Variants in AP3B2 observed in about 807,000 individuals in gnomAD.
The protein encoded by AP3B2 is AP-3 complex subunit beta-2.
A neutral mutation model predicts 126.9 loss-of-function variants in AP3B2; 50 were observed. The observed-to-expected ratio is 0.39, with a 90% CI of 0.31 to 0.50. AP3B2 has a LOEUF of 0.50. AP3B2 is among the 20% of genes least tolerant of loss of function. The pLI is 0.79. For missense variants in AP3B2, 1,177 were observed against 1,426.4 expected (o/e 0.83, Z 2.82); for synonymous variants, 541 against 565.0 (o/e 0.96, Z 0.60).
At chr15:82,690,942 C>G (rs1335513176) in intron 1 of AP3B2, among the ~76,000 whole-genome samples, 1 of 151,982 alleles carries the variant, frequency 6.6e-6, no homozygotes, top group Non-Finnish European at 1.5e-5. Flanking sequence ...AGGCATGAGC[C>G]ACGCTGGGAT....
At chr15:82,685,065 G>C (rs2151445385) in intron 4 of AP3B2, 1 of 152,270 alleles carries the variant, frequency 6.6e-6, no homozygotes, top group South Asian at 2.1e-4. Context: ...GAAGGAGATG[G>C]GGGAACAGTC....
rs144019576 is a variant in AP3B2 at position 82,666,379 on chromosome 15, C to T, written c.1852+368G>A. 5.3e-3 allele frequency among the ~76,000 whole-genome samples: 813 copies of T among 152,356 alleles called. 10 individuals carry two copies. Among genetic ancestry groups the T allele is most frequent in the Admixed American group, 0.019 (287 of 15,302 alleles). ...TCAGGACCTTTATAAAAATATACAC[C>T]TCTCCTTTGTGTGTTGTTTTGCTTT... On this transcript the variant is annotated intron_variant, in intron 15 of 26. Coordinates refer to ENST00000535359, the MANE Select transcript of AP3B2 (RefSeq NM_001278512.2).
chr15:82,697,964 G>A (rs2048655857), intron 1 of AP3B2: 1 of 152,508 alleles, frequency 6.6e-6, no homozygotes, highest in Non-Finnish European at 1.5e-5. Flanking sequence ...GGTAGGCGTG[G>A]GCAGCACCGA....
intron 14 of AP3B2, among the ~76,000 whole-genome samples, chr15:82,674,939 C>A (rs2048219602): frequency 6.6e-6 from 1 of 152,150 alleles, no homozygotes; most frequent in African/African-American, 2.4e-5. Flanking sequence ...GAAAACATGC[C>A]AACCTCACCA....
intron 1 of AP3B2, chr15:82,691,678 G>A (rs867562601): frequency 3.6e-6 from 5 of 1,389,602 alleles, no homozygotes; most frequent in Middle Eastern, 2.7e-4. Context: ...GCACAAAGCA[G>A]CTCAGTTAAC....
intron 14 of AP3B2, 151 bp downstream of exon 14, chr15:82,676,310 T>G: frequency 1.4e-6 from 1 of 738,356 alleles, no homozygotes; most frequent in African/African-American, 1.8e-5. Flanking sequence ...TGGGGTAGCA[T>G]TGGTTATGTG....
rs2048015548 is a variant in AP3B2, at chr15:82,664,422, C to T, written c.2206G>A (p.Glu736Lys). 1.9e-6 allele frequency: 3 copies of T among 1,613,946 alleles called. No homozygotes were observed. Among genetic ancestry groups the T allele is most frequent in the South Asian group, 1.1e-5 (1 of 91,086 alleles). ...SESGSGESSS[E>K]SDNEDQDEDE... Reference sequence around the variant, plus strand: ...TCATCCTGGTCTTCATTGTCGGACTCACTGCTGGACTCCCCAGAGCCGCTC... The same window carrying T: ...TCATCCTGGTCTTCATTGTCGGACTTACTGCTGGACTCCCCAGAGCCGCTC... The change falls in exon 19 of 27, where the codon GAG (glutamate) becomes AAG (lysine). Residue 736 changes from glutamate to lysine, a missense_variant. Physicochemically the swap from Glu to Lys is moderately conservative, Grantham distance 56. This residue lies in a region of AP3B2 where 587 missense variants were observed against 571.3 expected (regional missense o/e 1.03). Coordinates refer to ENST00000535359, the MANE Select transcript of AP3B2 (RefSeq NM_001278512.2). This position sits in a 1 kb window ranked among gnomAD's most constrained non-coding sequence, Gnocchi z 4.5.
At chr15:82,662,281 G>A in intron 23 of AP3B2, 29 bp from the exon 24 acceptor site, 1 of 1,534,604 alleles carries the variant, frequency 6.5e-7, no homozygotes, top group Non-Finnish European at 8.9e-7. Flanking sequence ...GTGAAGGGGA[G>A]AGGGAGGGCC....
chr15:82,675,772 CCAAT>C (rs1398995197), intron 14 of AP3B2, among the ~76,000 whole-genome samples: 1 of 152,158 alleles, frequency 6.6e-6, no homozygotes, highest in Non-Finnish European at 1.5e-5. Context: ...CAGTAGTTTG[CCAAT>C]CCCTGTCCTG....
In AP3B2 at chr15:82,683,047, G is replaced by GTTTTTTTT. The variant is rs61213011; in HGVS notation, c.361-1475_361-1468dup. 8.6e-3 allele frequency among the ~76,000 whole-genome samples: 665 copies of GTTTTTTTT among 77,720 alleles called. 129 individuals carry two copies. The highest frequency in any genetic ancestry group is 0.013 in the Non-Finnish European group (518 of 39,600). 51.0% of individuals were successfully genotyped at this position (77,720 alleles called of 152,430 possible). A position where few individuals can be genotyped will look rare whatever the true frequency, so the allele number is the denominator to read the frequency against. On this transcript the variant is annotated intron_variant, in intron 4 of 26. Coordinates refer to ENST00000535359, the MANE Select transcript of AP3B2 (RefSeq NM_001278512.2). The stretch of plus-strand genomic sequence containing the variant: ...AATGTTCACAGCATCTGCACCAGGA[G>GTTTTTTTT]TTTTTTTTTTTTTTTTTTTTTTTTT...
chr15:82,665,353 G>A lies in AP3B2; in HGVS notation c.1972-50C>T, dbSNP rs1367776753. The A allele has an allele frequency of 6.3e-7, 1 of 1,578,862 alleles. No homozygotes were observed. Among genetic ancestry groups the A allele is most frequent in the South Asian group, 1.1e-5 (1 of 89,996 alleles). On this transcript the variant is annotated intron_variant, in intron 16 of 26. Transcript: ENST00000535359. This position sits in a 1 kb window ranked among gnomAD's most constrained non-coding sequence, Gnocchi z 4.4. ...GGAGGGCTGGGCCGGCACTGCCAGG[G>A]CTCCCTACTGTCTGCCCCCACCAAC...
chr15:82,677,327 C>T lies in AP3B2; in HGVS notation c.1435G>A (p.Ala479Thr). 6.2e-7 allele frequency: 1 copy of T among 1,613,964 alleles called. No individual in the cohort carries two copies. The highest frequency in any genetic ancestry group is 8.5e-7 in the Non-Finnish European group (1 of 1,179,882). ...TGTTTGATGATCTCTCCATGTTGTG[C>T]TGGCTGCATCTGTAGCAATTTCTTA... Reference protein sequence around the residue: ...VIKKLLQMQPAQHGEIIKHLA... With the variant: ...VIKKLLQMQPTQHGEIIKHLA... Residue 479 changes from alanine to threonine, a missense_variant, in exon 13 of 27, where the codon GCA becomes ACA. By Grantham distance (58) the Ala-to-Thr change is moderately conservative. Around this residue, in one of 5 missense-constraint regions of AP3B2, gnomAD observed 308 missense variants for 452.4 expected, o/e 0.68. Transcript: ENST00000535359.
intron 1 of AP3B2, among the ~76,000 whole-genome samples, chr15:82,693,683 T>C (rs1199797995): frequency 6.6e-6 from 1 of 152,078 alleles, no homozygotes; most frequent in African/African-American, 2.4e-5. Flanking sequence ...GCAGCAACAA[T>C]ATGGCTAGGT....
At position 82,664,994 on chromosome 15, in the gene AP3B2, G is replaced by T; in HGVS notation, c.2029-51C>A. On this transcript the variant is annotated intron_variant, in intron 17 of 26. Transcript: ENST00000535359. The surrounding 1 kb of genome is among the most constrained non-coding windows in gnomAD (Gnocchi z 4.5). The stretch of plus-strand genomic sequence containing the variant: ...TCATTTCATCATGGTTGGGGAGAAG[G>T]CAGGCAGGCACAAGCCCTTACCCTT... 1 of 1,394,782 alleles carries T rather than the reference G, an allele frequency of 7.2e-7. No homozygotes were observed. Among genetic ancestry groups the T allele is most frequent in the Non-Finnish European group, 1.0e-6 (1 of 999,926 alleles). 86.4% of individuals were successfully genotyped at this position (1,394,782 alleles called of 1,614,324 possible).
rs1367761809 is a variant in AP3B2 at position 82,677,679 on chromosome 15, T to C, written c.1370A>G (p.Asn457Ser). The C allele has an allele frequency of 2.6e-6, 4 of 1,558,132 alleles. No homozygotes were observed. In the East Asian group the frequency reaches 7.0e-5, roughly 27 times the overall value. Residue 457 changes from asparagine to serine, a missense_variant, in exon 12 of 27, where the codon AAC (asparagine) becomes AGC (serine). Coordinates refer to ENST00000535359, the MANE Select transcript of AP3B2 (RefSeq NM_001278512.2). ...CTCAGGGAAACACTGACCATCACGG[T>C]TGGACAGCAGCTGCACCAGGCCATT... Reference protein sequence around the residue: ...CLNGLVQLLSNRDELVVAESV... With the variant: ...CLNGLVQLLSSRDELVVAESV...
At chr15:82,699,544 G>A in intron 1 of AP3B2, 1 of 398,952 alleles carries the variant, frequency 2.5e-6, no homozygotes, top group East Asian at 3.6e-5. Flanking sequence ...GAGGAGGTGG[G>A]ACCGGAAGAG....
In AP3B2 at chr15:82,665,230, T is replaced by C. The variant is rs150699581; in HGVS notation, c.2028+17A>G. On this transcript the variant is annotated intron_variant, in intron 17 of 26. Coordinates refer to ENST00000535359, the MANE Select transcript of AP3B2 (RefSeq NM_001278512.2). The surrounding 1 kb of genome is among the most constrained non-coding windows in gnomAD (Gnocchi z 4.4). ...GACAGGGCAGGGGAGAGAGCACACGTCACACGAAGGTGGGACCTCAGTGTA... is the reference window on the plus strand; with the variant it reads ...GACAGGGCAGGGGAGAGAGCACACGCCACACGAAGGTGGGACCTCAGTGTA... 3.1e-4 allele frequency: 473 copies of C among 1,536,852 alleles called. 1 individual carries two copies. In the African/African-American group the frequency reaches 5.9e-3, roughly 19 times the overall value.
chr15:82,673,845 T>C (rs1185123639), intron 14 of AP3B2, among the ~76,000 whole-genome samples: 1 of 152,234 alleles, frequency 6.6e-6, no homozygotes, highest in Admixed American at 6.5e-5. Context: ...TTCTATTCAC[T>C]GTAAAGGCGG....
chr15:82,686,212 C>G (rs1410432161), intron 4 of AP3B2: 2 of 152,192 alleles, frequency 1.3e-5, no homozygotes, highest in African/African-American at 4.8e-5. Context: ...AAGGGACCAA[C>G]TGTACAAAGA....
Sources: gnomAD v4.1 joint callset for allele counts (sites outside exome capture counted in the v4.1 genomes callset) on GRCh38, gnomAD v4.1.1 for gene constraint, gnomAD v4.1.1 regional missense constraint, Gnocchi (gnomAD v3.1) non-coding constraint, MANE v1.5 for transcripts, NCBI Gene and HGNC (gene_info 2026-07-23, HGNC 2026-07-21) for gene names.